BLTP3B: variants seen among roughly 807,000 people sequenced by gnomAD.
BLTP3B encodes UHRF1 (ICBP90) binding protein 1-like.
chr12:100,077,183 G>A, the BLTP3B span, among the ~76,000 whole-genome samples: 1 of 152,110 alleles, frequency 6.6e-6, no homozygotes, highest in Admixed American at 6.6e-5. Context: ...TGTATTTACT[G>A]TATTTTTACT....
chr12:100,039,482 T>G, the BLTP3B span: 1 of 1,136,678 alleles, frequency 8.8e-7, no homozygotes, highest in Non-Finnish European at 1.2e-6. Flanking sequence ...CTGGGCACAA[T>G]AACAAGCACT....
chr12:100,046,389 T>C, the BLTP3B span, among the ~76,000 whole-genome samples: 2 of 152,148 alleles, frequency 1.3e-5, no homozygotes, highest in Admixed American at 6.5e-5. Flanking sequence ...TGGAATACTA[T>C]GCAGCCATAA....
At chr12:100,047,566 C>G in the BLTP3B span, 1 of 1,613,198 alleles carries the variant, frequency 6.2e-7, no homozygotes. Flanking sequence ...CTTCTCTCTA[C>G]CACAAGATGA....
chr12:100,040,039 ATG>A, the BLTP3B span, among the ~76,000 whole-genome samples: 2 of 150,666 alleles, frequency 1.3e-5, no homozygotes, highest in African/African-American at 4.9e-5. Context: ...ATAATTTATT[ATG>A]TTTTTATATT....
chr12:100,043,283 G>C, the BLTP3B span, among the ~76,000 whole-genome samples: 1 of 152,192 alleles, frequency 6.6e-6, no homozygotes, highest in African/African-American at 2.4e-5. Flanking sequence ...GCATAAGGAA[G>C]AAGTTCAGCT....
chr12:100,068,840 G>T, the BLTP3B span, among the ~76,000 whole-genome samples: 1 of 152,140 alleles, frequency 6.6e-6, no homozygotes, highest in Non-Finnish European at 1.5e-5. Flanking sequence ...TCAAAAAATA[G>T]TACATGTTGG....
the BLTP3B span, among the ~76,000 whole-genome samples, chr12:100,099,287 C>T: frequency 6.7e-6 from 1 of 149,716 alleles, no homozygotes; most frequent in African/African-American, 2.4e-5. Context: ...AGCCACCAGG[C>T]CCAGTTTATT....
the BLTP3B span, among the ~76,000 whole-genome samples, chr12:100,082,598 T>C: frequency 2.0e-5 from 3 of 152,236 alleles, no homozygotes; most frequent in Non-Finnish European, 2.9e-5. Flanking sequence ...CTAATTTCAA[T>C]CTTCTGCATA....
At chr12:100,103,092 G>C in the BLTP3B span, among the ~76,000 whole-genome samples, 1 of 152,016 alleles carries the variant, frequency 6.6e-6, no homozygotes, top group South Asian at 2.1e-4. Context: ...GTGTATTACA[G>C]GTGTTGGGGG....
the BLTP3B span, among the ~76,000 whole-genome samples, chr12:100,123,219 G>A: frequency 0.015 from 2,232 of 152,244 alleles, 63 homozygotes; most frequent in African/African-American, 0.051. Flanking sequence ...CTACTATGTG[G>A]CAGACACCAA....
chr12:100,137,957 C>T, the BLTP3B span, among the ~76,000 whole-genome samples: 1 of 152,280 alleles, frequency 6.6e-6, no homozygotes, highest in African/African-American at 2.4e-5. Context: ...GTCACAAAGG[C>T]TTTCTCTCTA....
At chr12:100,049,221 G>A in the BLTP3B span, among the ~76,000 whole-genome samples, 2 of 152,014 alleles carry the variant, frequency 1.3e-5, no homozygotes, top group South Asian at 4.1e-4. Flanking sequence ...ATAAAAATAT[G>A]ATCAGTTTTG....
the BLTP3B span, among the ~76,000 whole-genome samples, chr12:100,052,499 A>C: frequency 6.6e-6 from 1 of 152,142 alleles, no homozygotes; most frequent in African/African-American, 2.4e-5. Flanking sequence ...AAAAATAATA[A>C]AATAAACAGA....
At chr12:100,102,095 G>A in the BLTP3B span, among the ~76,000 whole-genome samples, 19 of 149,766 alleles carry the variant, frequency 1.3e-4, no homozygotes, top group African/African-American at 3.5e-4. Context: ...CCACTACACC[G>A]AGCCCAACTT....
chr12:100,136,065 G>T, the BLTP3B span, among the ~76,000 whole-genome samples: 1 of 152,002 alleles, frequency 6.6e-6, no homozygotes, highest in Non-Finnish European at 1.5e-5. Context: ...ACAAAAATTA[G>T]CTGGGTGTGG....
the BLTP3B span, among the ~76,000 whole-genome samples, chr12:100,100,612 T>C: frequency 6.6e-6 from 1 of 151,942 alleles, no homozygotes; most frequent in African/African-American, 2.4e-5. Flanking sequence ...CTTGGGAGGC[T>C]GAGGTGGGAG....
the BLTP3B span, chr12:100,098,379 A>C: frequency 5.0e-6 from 8 of 1,609,508 alleles, no homozygotes; most frequent in Non-Finnish European, 6.8e-6. Context: ...CCTGAATACG[A>C]GTAAATCTCA....
chr12:100,097,318 A>C, the BLTP3B span: 1 of 1,568,352 alleles, frequency 6.4e-7, no homozygotes, highest in Non-Finnish European at 8.7e-7. Context: ...AAAAAGTCAA[A>C]TCCAACAGTT....
chr12:100,105,839 A>G, the BLTP3B span, among the ~76,000 whole-genome samples: 1 of 152,162 alleles, frequency 6.6e-6, no homozygotes, highest in Non-Finnish European at 1.5e-5. Context: ...CAGAATCTAC[A>G]AGGAACTCAA....
Sources: gnomAD v4.1 joint callset for allele counts (sites outside exome capture counted in the v4.1 genomes callset) on GRCh38, gnomAD v4.1.1 for gene constraint, MANE v1.5 for transcripts, NCBI Gene and HGNC (gene_info 2026-07-23, HGNC 2026-07-21) for gene names.